The following HUNK variants were observed in gnomAD, a reference collection of about 807,000 sequenced individuals.
HUNK encodes the protein hormonally up-regulated neu tumor-associated kinase.
HUNK carries 21 observed loss-of-function variants against 61.0 expected under a neutral mutation model. The ratio of observed to expected loss-of-function variants is 0.34; its 90% CI spans 0.24 to 0.50. The LOEUF (loss-of-function observed/expected upper bound fraction) is 0.50, where lower values mean the gene tolerates loss of function less well. HUNK is among the 20% of genes least tolerant of loss of function. The pLI, the probability that HUNK is intolerant of heterozygous loss-of-function variation, is 0.98. For missense variants in HUNK, 772 were observed against 945.7 expected (o/e 0.82, Z 2.41); for synonymous variants, 371 against 386.1 (o/e 0.96, Z 0.46).
chr21:31,891,062 A>C (rs2052384558), intron 1 of HUNK, among the ~76,000 whole-genome samples: 1 of 152,098 alleles, frequency 6.6e-6, no homozygotes. Flanking sequence ...CCTGGCCCCC[A>C]ACCAGACAAA....
chr21:31,979,586 G>A (rs567682101), intron 7 of HUNK, among the ~76,000 whole-genome samples: 1 of 124,706 alleles, frequency 8.0e-6, no homozygotes, highest in East Asian at 2.7e-4. Context: ...CGTGATCTCA[G>A]CTCACTGCAA....
chr21:31,911,693 T>C (rs1328179890), intron 1 of HUNK, among the ~76,000 whole-genome samples: 3 of 151,684 alleles, frequency 2.0e-5, no homozygotes, highest in African/African-American at 7.3e-5. Context: ...ATGGGGTGCC[T>C]ACCAAGGGGA....
At chr21:31,977,413 G>A (rs1399357287) in intron 7 of HUNK, among the ~76,000 whole-genome samples, 1 of 152,200 alleles carries the variant, frequency 6.6e-6, no homozygotes, top group Non-Finnish European at 1.5e-5. Flanking sequence ...TCATGAAACT[G>A]ACTATATTAT....
At chr21:31,979,098 T>C (rs1283787074) in intron 7 of HUNK, among the ~76,000 whole-genome samples, 1 of 137,726 alleles carries the variant, frequency 7.3e-6, no homozygotes, top group Non-Finnish European at 1.5e-5. Flanking sequence ...AGCATACCTA[T>C]TGGCCATTTC....
intron 2 of HUNK, among the ~76,000 whole-genome samples, chr21:31,929,947 CACAT>C (rs2052685563): frequency 6.6e-6 from 1 of 152,222 alleles, no homozygotes; most frequent in Admixed American, 6.5e-5. Context: ...GATTTCTGCT[CACAT>C]CCAGGAGCTG....
chr21:31,972,392 G>T (rs1230630306), intron 6 of HUNK, among the ~76,000 whole-genome samples: 1 of 152,110 alleles, frequency 6.6e-6, no homozygotes, highest in African/African-American at 2.4e-5. Context: ...AAAGCATCAG[G>T]TTTATGCATG....
At position 31,874,289 on chromosome 21, in the gene HUNK, G is replaced by A. The variant is rs955224832; in HGVS notation, c.261+354G>A. Among the ~76,000 whole-genome samples the A allele has an allele frequency of 1.0e-3, 157 of 151,090 alleles. 1 individual carries two copies. The highest frequency in any genetic ancestry group is 3.8e-3 in the African/African-American group (156 of 41,206). On this transcript the variant is annotated intron_variant, in intron 1 of 10. Transcript: ENST00000270112. The stretch of plus-strand genomic sequence containing the variant: ...GGCCGGCAGGGGCGGCGGATCCGTG[G>A]CGAGGCGGGAACCAGGGCTAGAGGA...
rs552954587 is a variant in HUNK, at chr21:31,915,716, G to A, written c.262-8752G>A. Among the ~76,000 whole-genome samples the A allele has an allele frequency of 3.3e-5, 5 of 152,256 alleles. No individual in the cohort carries two copies. The South Asian group carries it at 6.2e-4, about 19-fold the overall frequency. On this transcript the variant is annotated intron_variant, in intron 1 of 10. Coordinates refer to ENST00000270112, the MANE Select transcript of HUNK (RefSeq NM_014586.2). ...GAGGAAGGGATGAATTTAAAATCCT[G>A]TTAACTCTGATCCTATGTAGACAGT...
intron 1 of HUNK, among the ~76,000 whole-genome samples, chr21:31,920,513 T>C (rs2052615579): frequency 6.6e-6 from 1 of 152,158 alleles, no homozygotes; most frequent in Non-Finnish European, 1.5e-5. Flanking sequence ...CCACACGGAG[T>C]GGAGCAAAGA....
At chr21:31,979,251 T>C (rs2123237995) in intron 7 of HUNK, among the ~76,000 whole-genome samples, 1 of 152,182 alleles carries the variant, frequency 6.6e-6, no homozygotes, top group East Asian at 1.9e-4. Flanking sequence ...CCTGAGTAGC[T>C]GGGACTACAG....
rs180859966 is a variant in HUNK, at chr21:31,902,308, C to T, written c.262-22160C>T. 5.5e-4 allele frequency among the ~76,000 whole-genome samples: 83 copies of T among 152,188 alleles called. No homozygotes were observed. The East Asian group carries it at 0.015, about 27-fold the overall frequency. ...GGTGGATCACCTGAGGTTGGGAGTT[C>T]GAGAGCAGCCTGACCAACATGGAGA... is the stretch of plus-strand genomic sequence containing the variant. On this transcript the variant is annotated intron_variant, in intron 1 of 10. Coordinates refer to ENST00000270112, the MANE Select transcript of HUNK (RefSeq NM_014586.2).
In HUNK at chr21:31,995,827, G is replaced by A; in HGVS notation, c.1365G>A (p.Lys455=). 2 of 1,614,160 alleles carry A rather than the reference G, an allele frequency of 1.2e-6. No individual in the cohort carries two copies. The highest frequency in any genetic ancestry group is 1.1e-5 in the South Asian group (1 of 91,086). The change falls in exon 10 of 11, where the codon AAG becomes AAA. Residue 455 remains lysine (K), a synonymous_variant. Transcript: ENST00000270112. ...RGDFLHRPFS[K]KLDKNLPSHK... is the part of the protein sequence containing the mutation. ...ATTTTCTTCATCGACCATTCTCCAA[G>A]AAGTTGGACAAGAACCTGCCCTCGC...
At chr21:31,969,476 C>A (rs1330026622) in intron 6 of HUNK, among the ~76,000 whole-genome samples, 1 of 152,204 alleles carries the variant, frequency 6.6e-6, no homozygotes, top group Admixed American at 6.5e-5. Context: ...CAGACAGGAA[C>A]CCACAGCATA....
rs2123781519 is a variant in HUNK at position 31,873,035 on chromosome 21, G to C, written c.-640G>C. Among the ~76,000 whole-genome samples, 1 of 152,288 alleles carries C rather than the reference G, an allele frequency of 6.6e-6. No homozygotes were observed. Among genetic ancestry groups the C allele is most frequent in the East Asian group, 1.9e-4 (1 of 5,152 alleles). On this transcript the variant is annotated 5_prime_UTR_variant, in exon 1 of 11. Coordinates refer to ENST00000270112, the MANE Select transcript of HUNK (RefSeq NM_014586.2). The surrounding 1 kb of genome is among the most constrained non-coding windows in gnomAD (Gnocchi z 6.1). ...AGGAGGGGCTACTAGGGATTTGAAAGTGCACGGGCTGCGGAGTGGAGCTCG... is the reference window on the plus strand; with the variant it reads ...AGGAGGGGCTACTAGGGATTTGAAACTGCACGGGCTGCGGAGTGGAGCTCG...
At chr21:31,941,496 G>T (rs2123828251) in intron 3 of HUNK, among the ~76,000 whole-genome samples, 1 of 152,076 alleles carries the variant, frequency 6.6e-6, no homozygotes, top group South Asian at 2.1e-4. Flanking sequence ...TAGTAGAGAT[G>T]GGGTTTCACC....
At position 31,999,148 on chromosome 21, in the gene HUNK, C is replaced by T. The variant is rs751237471; in HGVS notation, c.2109C>T (p.Ala703=). The T allele has an allele frequency of 3.7e-6, 6 of 1,613,070 alleles. No individual in the cohort carries two copies. In the Admixed American group the frequency reaches 1.0e-4, roughly 27 times the overall value. Residue 703 remains alanine, a synonymous_variant, in exon 11 of 11, where the codon GCC becomes GCT. Coordinates refer to ENST00000270112, the MANE Select transcript of HUNK (RefSeq NM_014586.2). The part of the protein sequence containing the change: ...PLQPLAPVNL[A]FDMADGVKTQ... Reference sequence around the variant, plus strand: ...AGCCCCTAGCCCCTGTGAACCTTGCCTTTGACATGGCCGATGGGGTCAAGA... The same window carrying T: ...AGCCCCTAGCCCCTGTGAACCTTGCTTTTGACATGGCCGATGGGGTCAAGA...
At chr21:31,982,796 GTTTATT>G (rs1255444451) in intron 7 of HUNK, among the ~76,000 whole-genome samples, 3 of 151,606 alleles carry the variant, frequency 2.0e-5, no homozygotes, top group Non-Finnish European at 4.4e-5. Flanking sequence ...ACTGTTTTTT[GTTTATT>G]TTTATTTTTA....
In HUNK at chr21:31,925,390, A is replaced by G. The variant is rs114047049; in HGVS notation, c.554+630A>G. On this transcript the variant is annotated intron_variant, in intron 2 of 10. Transcript: ENST00000270112. The stretch of plus-strand genomic sequence containing the variant: ...GAGCTTGGGACAGTGTTTGTTACCT[A>G]GTAGGTATCAGGTAAGTGTTAGCTG... Among the ~76,000 whole-genome samples, 392 of 152,324 alleles carry G rather than the reference A, an allele frequency of 2.6e-3. 1 individual carries two copies. Among genetic ancestry groups the G allele is most frequent in the African/African-American group, 8.9e-3 (372 of 41,590 alleles).
intron 3 of HUNK, among the ~76,000 whole-genome samples, chr21:31,945,717 CT>C (rs1986722783): frequency 6.6e-6 from 1 of 152,056 alleles, no homozygotes; most frequent in Non-Finnish European, 1.5e-5. Flanking sequence ...CGAATTCTCT[CT>C]TTTTTTCCTG....
Sources: gnomAD v4.1 joint callset for allele counts (sites outside exome capture counted in the v4.1 genomes callset) on GRCh38, gnomAD v4.1.1 for gene constraint, Gnocchi (gnomAD v3.1) non-coding constraint, MANE v1.5 for transcripts, NCBI Gene and HGNC (gene_info 2026-07-23, HGNC 2026-07-21) for gene names.